DISP1: variants seen among roughly 807,000 people sequenced by gnomAD.
DISP1 encodes dispatched RND transporter family member 1.
DISP1 carries 30 observed loss-of-function variants against 37.3 expected under a neutral mutation model. The ratio of observed to expected loss-of-function variants is 0.80; its 90% CI spans 0.60 to 1.09. DISP1 has a LOEUF of 1.09. DISP1 is among the 50% of genes least tolerant of loss of function. The probability of loss-of-function intolerance (pLI) is 0.00; values close to 1 mark genes in which losing one functional copy is unlikely to be tolerated. For missense variants in DISP1, 1,598 were observed against 1,879.5 expected (o/e 0.85, Z 2.77); for synonymous variants, 634 against 690.2 (o/e 0.92, Z 1.28).
chr1:222,959,540 A>C (rs1005505241), intron 3 of DISP1, among the ~76,000 whole-genome samples: 3 of 152,012 alleles, frequency 2.0e-5, no homozygotes, highest in African/African-American at 7.3e-5. Flanking sequence ...GTCTCTACTG[A>C]AAATACAAAA....
chr1:222,920,701 T>G (rs544959520), intron 1 of DISP1, among the ~76,000 whole-genome samples: 1 of 152,286 alleles, frequency 6.6e-6, no homozygotes, highest in South Asian at 2.1e-4. Context: ...GCCTATTTTT[T>G]AGCATTAGTC....
At chr1:222,865,895 G>A (rs1669158992) in intron 1 of DISP1, among the ~76,000 whole-genome samples, 1 of 152,094 alleles carries the variant, frequency 6.6e-6, no homozygotes, top group African/African-American at 2.4e-5. Flanking sequence ...TTACGTTTTT[G>A]TTTTCCCTTG....
intron 2 of DISP1, among the ~76,000 whole-genome samples, chr1:222,931,362 T>C (rs1386151361): frequency 6.6e-6 from 1 of 151,924 alleles, no homozygotes; most frequent in African/African-American, 2.4e-5. Context: ...ATGGTATCTT[T>C]TAGACATGCT....
intron 1 of DISP1, among the ~76,000 whole-genome samples, chr1:222,869,213 ATTTG>A (rs1297032846): frequency 6.6e-6 from 1 of 152,116 alleles, no homozygotes; most frequent in Non-Finnish European, 1.5e-5. Flanking sequence ...TTAAGAGGCT[ATTTG>A]TTTGTTTTAG....
chr1:222,840,081 T>C (rs991344932), intron 1 of DISP1, among the ~76,000 whole-genome samples: 9 of 152,200 alleles, frequency 5.9e-5, no homozygotes, highest in African/African-American at 1.9e-4. Context: ...CTTTATGTAA[T>C]TTATGAAAAC....
chr1:222,986,420 C>A (rs924657151), intron 4 of DISP1, among the ~76,000 whole-genome samples: 7 of 152,170 alleles, frequency 4.6e-5, no homozygotes, highest in Non-Finnish European at 7.3e-5. Context: ...CATAAGCTGG[C>A]TCTATAAGAT....
At chr1:222,939,222 A>G (rs1225406251) in intron 2 of DISP1, among the ~76,000 whole-genome samples, 1 of 152,186 alleles carries the variant, frequency 6.6e-6, no homozygotes, top group Non-Finnish European at 1.5e-5. Flanking sequence ...TGGAAAAAAC[A>G]TGTTATAAGT....
intron 8 of DISP1, among the ~76,000 whole-genome samples, chr1:222,995,460 G>A (rs990600144): frequency 1.3e-5 from 2 of 152,078 alleles, no homozygotes; most frequent in African/African-American, 4.8e-5. Context: ...CTGGGAAAGG[G>A]GACATCAAAG....
Position 222,994,961 on chromosome 1 carries a change from G to T in DISP1, c.966G>T (p.Met322Ile). ...GGAATTTACCTGCAATTAAATCAATGTGCAATGTAGATAATTCCAGGGTAT... is the reference window on the plus strand; with the variant it reads ...GGAATTTACCTGCAATTAAATCAATTTGCAATGTAGATAATTCCAGGGTAT... ...TLWNLPAIKSMCNVDNSRIRS... is the reference protein window; with the variant it reads ...TLWNLPAIKSICNVDNSRIRS... The change falls in exon 8 of 9, where the codon ATG (methionine) becomes ATT (isoleucine). Residue 322 changes from methionine (M) to isoleucine (I), a missense_variant. Coordinates refer to ENST00000675850, the MANE Select transcript of DISP1 (RefSeq NM_001377229.1). 1 of 1,612,058 alleles carries T rather than the reference G, an allele frequency of 6.2e-7. No homozygotes were observed. Among genetic ancestry groups the T allele is most frequent in the Non-Finnish European group, 8.5e-7 (1 of 1,178,742 alleles).
At chr1:222,860,188 T>G (rs147026937) in intron 1 of DISP1, among the ~76,000 whole-genome samples, 5,628 of 152,264 alleles carry the variant, frequency 0.037, 125 homozygotes, top group Middle Eastern at 0.088. Context: ...TCCCAAGTAC[T>G]GGGATTAAGG....
chr1:222,844,161 A>G (rs963017645), intron 1 of DISP1, among the ~76,000 whole-genome samples: 3 of 152,118 alleles, frequency 2.0e-5, no homozygotes, highest in Non-Finnish European at 2.9e-5. Context: ...GGTTCCCTCA[A>G]TTCCCTTTTT....
chr1:222,897,494 A>G (rs1671332503), intron 1 of DISP1, among the ~76,000 whole-genome samples: 1 of 152,236 alleles, frequency 6.6e-6, no homozygotes, highest in South Asian at 2.1e-4. Context: ...AAGTTGTTTA[A>G]AAATAAAAAC....
At chr1:222,969,281 A>G (rs150576588) in intron 3 of DISP1, among the ~76,000 whole-genome samples, 2,508 of 147,880 alleles carry the variant, frequency 0.017, 66 homozygotes, top group South Asian at 0.11. Flanking sequence ...GAGACAGGAG[A>G]ATCACTTGAG....
chr1:222,985,681 A>C (rs1216510456), intron 4 of DISP1, among the ~76,000 whole-genome samples: 1 of 151,806 alleles, frequency 6.6e-6, no homozygotes, highest in African/African-American at 2.4e-5. Flanking sequence ...CAAAAAGCAC[A>C]CACTTTTTTT....
At chr1:222,836,282 C>T (rs1054418024) in intron 1 of DISP1, among the ~76,000 whole-genome samples, 1 of 152,158 alleles carries the variant, frequency 6.6e-6, no homozygotes, top group Admixed American at 6.5e-5. Flanking sequence ...TAGCTTTATG[C>T]TAGTCCAAAG....
intron 2 of DISP1, among the ~76,000 whole-genome samples, chr1:222,938,734 A>T (rs1024430687): frequency 1.4e-3 from 51 of 36,610 alleles, no homozygotes; most frequent in African/African-American, 5.1e-3. Context: ...CCCTGTCTTT[A>T]AAAAAAAAAA....
chr1:222,983,314 A>G (rs1677976608), intron 4 of DISP1, among the ~76,000 whole-genome samples: 1 of 152,116 alleles, frequency 6.6e-6, no homozygotes, highest in South Asian at 2.1e-4. Context: ...TTCTAACCCT[A>G]TTAAATTCTA....
chr1:222,881,059 T>C (rs942493142), intron 1 of DISP1, among the ~76,000 whole-genome samples: 1 of 152,152 alleles, frequency 6.6e-6, no homozygotes, highest in Non-Finnish European at 1.5e-5. Context: ...AGACCCTGTC[T>C]CTAGAAAAAC....
At chr1:222,995,098 C>T (rs1678964794) in intron 8 of DISP1, 116 bp downstream of exon 8, 1 of 828,650 alleles carries the variant, frequency 1.2e-6, no homozygotes, top group African/African-American at 1.7e-5. Flanking sequence ...GGCTTACCTA[C>T]TGAGGAGTAA....
Sources: gnomAD v4.1 joint callset for allele counts (sites outside exome capture counted in the v4.1 genomes callset) on GRCh38, gnomAD v4.1.1 for gene constraint, MANE v1.5 for transcripts, NCBI Gene and HGNC (gene_info 2026-07-23, HGNC 2026-07-21) for gene names.